The following NAA11 variants were observed in gnomAD, a reference collection of about 807,000 sequenced individuals.
NAA11 encodes N-alpha-acetyltransferase 11, NatA catalytic subunit, also known as N-alpha-acetyltransferase 11.
NAA11 carries 15 observed loss-of-function variants against 16.1 expected under a neutral mutation model. The ratio of observed to expected loss-of-function variants is 0.93; its 90% CI spans 0.62 to 1.44. NAA11 has a LOEUF of 1.44. Ranked by LOEUF, NAA11 falls within the 40% of genes most tolerant of loss-of-function variation. NAA11 has a pLI of 0.00. For missense variants in NAA11, 298 were observed against 291.3 expected (o/e 1.02, Z -0.17); for synonymous variants, 122 against 112.4 (o/e 1.09, Z -0.54).
intron 2 of NAA11, among the ~76,000 whole-genome samples, chr4:79,253,086 T>A (rs1722031285): frequency 6.6e-6 from 1 of 152,132 alleles, no homozygotes; most frequent in Non-Finnish European, 1.5e-5. Context: ...TCAACAAGAC[T>A]TTTGGTTGAT....
chr4:79,198,579 A>G, the NAA11 span, among the ~76,000 whole-genome samples: 2 of 151,820 alleles, frequency 1.3e-5, no homozygotes, highest in African/African-American at 2.4e-5. Flanking sequence ...CCTAGTTGGC[A>G]TTTTCCACAT....
At chr4:79,178,689 A>G in the NAA11 span, among the ~76,000 whole-genome samples, 1 of 152,208 alleles carries the variant, frequency 6.6e-6, no homozygotes, top group Non-Finnish European at 1.5e-5. Flanking sequence ...GCACAAATGT[A>G]CATGCATGCC....
the NAA11 span, among the ~76,000 whole-genome samples, chr4:79,188,215 G>A: frequency 6.6e-6 from 1 of 152,118 alleles, no homozygotes; most frequent in Non-Finnish European, 1.5e-5. Context: ...GAAACAGCAA[G>A]CTGCAAGTAA....
At chr4:79,256,282 T>G (rs934823114) in intron 2 of NAA11, among the ~76,000 whole-genome samples, 7 of 152,190 alleles carry the variant, frequency 4.6e-5, no homozygotes, top group Admixed American at 3.3e-4. Context: ...TTCACGTATT[T>G]TAAGAACTAC....
intron 1 of NAA11, among the ~76,000 whole-genome samples, chr4:79,324,776 G>C (rs913325110): frequency 6.6e-6 from 1 of 152,166 alleles, no homozygotes; most frequent in East Asian, 1.9e-4. Context: ...ATTAGCCATT[G>C]ATGACTCTTG....
At chr4:79,212,924 T>C in the NAA11 span, among the ~76,000 whole-genome samples, 9 of 152,112 alleles carry the variant, frequency 5.9e-5, no homozygotes, top group Admixed American at 1.3e-4. Flanking sequence ...TAGTGTCATT[T>C]TGTCCATAAA....
chr4:79,293,231 T>C (rs774497177), intron 2 of NAA11, among the ~76,000 whole-genome samples: 1 of 152,094 alleles, frequency 6.6e-6, no homozygotes, highest in Non-Finnish European at 1.5e-5. Context: ...GGTCATGTCA[T>C]AGAAATTAGA....
At chr4:79,212,241 A>T in the NAA11 span, among the ~76,000 whole-genome samples, 1 of 152,226 alleles carries the variant, frequency 6.6e-6, no homozygotes. Context: ...TTATTAGTCA[A>T]ACATAGTACT....
Position 79,325,290 on chromosome 4 carries a change from G to T in NAA11, c.588C>A (p.Asn196Lys). 1.2e-6 allele frequency: 2 copies of T among 1,613,830 alleles called. No individual in the cohort carries two copies. Among genetic ancestry groups the T allele is most frequent in the Non-Finnish European group, 1.7e-6 (2 of 1,179,830 alleles). ...SDSEEACQQKNPATEESGSDS... is the reference protein window; with the variant it reads ...SDSEEACQQKKPATEESGSDS... ...CACTGCCACTTTCTTCGGTAGCCGG[G>T]TTCTTTTGCTGACAGGCCTCTTCAG... The change falls in exon 1 of 2, where the codon AAC (asparagine) becomes AAA (lysine). Residue 196 changes from asparagine to lysine, a missense_variant. By Grantham distance (94) the Asn-to-Lys change is moderately conservative. Coordinates refer to ENST00000286794, the MANE Select transcript of NAA11 (RefSeq NM_032693.3).
At chr4:79,239,863 C>G (rs1721651209) in intron 2 of NAA11, among the ~76,000 whole-genome samples, 1 of 152,100 alleles carries the variant, frequency 6.6e-6, no homozygotes, top group South Asian at 2.1e-4. Flanking sequence ...CCAGCTAGCC[C>G]ACTGCTTGTA....
At chr4:79,318,732 T>C (rs2110015552) in intron 1 of NAA11, among the ~76,000 whole-genome samples, 1 of 152,330 alleles carries the variant, frequency 6.6e-6, no homozygotes, top group African/African-American at 2.4e-5. Context: ...ATTGCCTTTT[T>C]CATTTTTGCA....
chr4:79,260,630 T>C (rs1722228181), intron 2 of NAA11, among the ~76,000 whole-genome samples: 1 of 152,184 alleles, frequency 6.6e-6, no homozygotes, highest in Non-Finnish European at 1.5e-5. Context: ...GAAACTAACC[T>C]GAACACAGGC....
chr4:79,311,662 T>C (rs1436872031), downstream of NAA11, among the ~76,000 whole-genome samples: 2 of 152,194 alleles, frequency 1.3e-5, no homozygotes, highest in East Asian at 3.9e-4. Flanking sequence ...AGGTATAATC[T>C]AGAGTGAATG....
chr4:79,296,480 G>T (rs751211885), intron 1 of NAA11, among the ~76,000 whole-genome samples: 2 of 152,186 alleles, frequency 1.3e-5, no homozygotes, highest in Non-Finnish European at 2.9e-5. Flanking sequence ...TTAAGCTTTA[G>T]AATGTACCTC....
At chr4:79,167,364 C>T in the NAA11 span, among the ~76,000 whole-genome samples, 1 of 145,924 alleles carries the variant, frequency 6.9e-6, no homozygotes, top group Non-Finnish European at 1.5e-5. Flanking sequence ...AAATTTACTT[C>T]AACAACACTT....
chr4:79,193,407 T>C, the NAA11 span, among the ~76,000 whole-genome samples: 9 of 152,274 alleles, frequency 5.9e-5, no homozygotes, highest in African/African-American at 2.2e-4. Context: ...TTGTATAAGG[T>C]GTAAAGGAAG....
chr4:79,281,041 T>C (rs1722774514), intron 2 of NAA11, among the ~76,000 whole-genome samples: 1 of 151,980 alleles, frequency 6.6e-6, no homozygotes, highest in Non-Finnish European at 1.5e-5. Context: ...TTATCAATGC[T>C]TTCCAGGCTC....
At chr4:79,215,290 G>C in the NAA11 span, among the ~76,000 whole-genome samples, 1 of 152,074 alleles carries the variant, frequency 6.6e-6, no homozygotes, top group African/African-American at 2.4e-5. Context: ...ATGTTTGCAG[G>C]GTAGTTCTCT....
At chr4:79,299,975 C>G (rs1221310516) in intron 1 of NAA11, among the ~76,000 whole-genome samples, 2 of 152,144 alleles carry the variant, frequency 1.3e-5, no homozygotes, top group Non-Finnish European at 2.9e-5. Flanking sequence ...TGGCCTGGTT[C>G]AGCTTGGTTT....
Sources: allele counts gnomAD v4.1 joint callset (sites outside exome capture counted in the v4.1 genomes callset), GRCh38; gene constraint gnomAD v4.1.1; transcripts MANE v1.5; gene names NCBI Gene and HGNC (gene_info 2026-07-23, HGNC 2026-07-21).